Variants in FBXL2 observed in about 807,000 individuals in gnomAD.
FBXL2 encodes F-box and leucine rich repeat protein 2.
Under a neutral mutation model 69.2 loss-of-function variants are expected in FBXL2, and 38 were observed. That is an observed-to-expected ratio of 0.55 (90% CI 0.42 to 0.72). The LOEUF is 0.72. Among genes scored for constraint, FBXL2 ranks in the 30% least tolerant of loss-of-function variants. The probability of loss-of-function intolerance (pLI) is 0.00; values close to 1 mark genes in which losing one functional copy is unlikely to be tolerated. For missense variants in FBXL2, 354 were observed against 520.3 expected, an observed-to-expected ratio of 0.68 and a Z score of 3.11; for synonymous variants, 192 against 201.3, an observed-to-expected ratio of 0.95 and a Z score of 0.39.
At chr3:33,283,129 T>G (rs527815787) in intron 1 of FBXL2, among the ~76,000 whole-genome samples, 5 of 152,300 alleles carry the variant, frequency 3.3e-5, no homozygotes, top group South Asian at 2.1e-4. Flanking sequence ...TTGTGCCAGT[T>G]TTCAAAGGGA....
chr3:33,339,649 A>G (rs1291874388), intron 2 of FBXL2, among the ~76,000 whole-genome samples: 4 of 152,152 alleles, frequency 2.6e-5, no homozygotes, highest in Non-Finnish European at 5.9e-5. Context: ...AACTCCAGTG[A>G]CACACAATTT....
Position 33,395,769 on chromosome 3 carries a change from A to G in FBXL2, n.1215-7465A>G, listed in dbSNP as rs1335935476. 9.4e-5 allele frequency among the ~76,000 whole-genome samples: 14 copies of G among 149,640 alleles called. No homozygotes were observed. In the South Asian group the frequency reaches 1.1e-3, roughly 11 times the overall value. ...AAAATTGAAAAAAAAAAAAAAAAAA[A>G]AAAAGAAAAAGGAAAGAAAAACCCT... is the stretch of plus-strand genomic sequence containing the variant. On this transcript the variant is annotated intron_variant and non_coding_transcript_variant, in intron 12 of 12. Transcript: ENST00000463736.
intron 13 of FBXL2, among the ~76,000 whole-genome samples, chr3:33,381,427 C>G (rs1255796890): frequency 6.6e-6 from 1 of 152,046 alleles, no homozygotes; most frequent in Admixed American, 6.5e-5. Context: ...GGTGGATCAC[C>G]TGAGGTCGGG....
intron 2 of FBXL2, among the ~76,000 whole-genome samples, chr3:33,342,306 A>G (rs2040091856): frequency 6.6e-6 from 1 of 151,550 alleles, no homozygotes; most frequent in Non-Finnish European, 1.5e-5. Context: ...TGCCCGGCCT[A>G]TGCAGTTTTC....
intron 2 of FBXL2, among the ~76,000 whole-genome samples, chr3:33,337,056 T>G (rs536377902): frequency 6.6e-6 from 1 of 151,248 alleles, no homozygotes; most frequent in African/African-American, 2.4e-5. Flanking sequence ...ATACAAAAAA[T>G]CAGCTGGACG....
intron 1 of FBXL2, among the ~76,000 whole-genome samples, chr3:33,280,949 A>AT (rs1194992822): frequency 2.0e-5 from 3 of 152,096 alleles, no homozygotes; most frequent in African/African-American, 7.2e-5. Context: ...CTCTCTCTGT[A>AT]TTTGTGGTCA....
the FBXL2 span, among the ~76,000 whole-genome samples, chr3:33,420,577 C>A: frequency 1.3e-5 from 2 of 151,968 alleles, no homozygotes; most frequent in Non-Finnish European, 2.9e-5. Context: ...CAACCTCCGC[C>A]TCCTGGGTTC....
intron 2 of FBXL2, among the ~76,000 whole-genome samples, chr3:33,347,995 A>G (rs1361525110): frequency 6.6e-6 from 1 of 151,912 alleles, no homozygotes; most frequent in Non-Finnish European, 1.5e-5. Flanking sequence ...TGTTGATTGT[A>G]TCCTTTGCTG....
intron 4 of FBXL2, among the ~76,000 whole-genome samples, chr3:33,359,791 G>T (rs962219782): frequency 5.3e-5 from 8 of 151,794 alleles, no homozygotes; most frequent in African/African-American, 1.9e-4. Flanking sequence ...GGCCACTTAA[G>T]TCATATAATC....
downstream of FBXL2, among the ~76,000 whole-genome samples, chr3:33,407,353 C>T (rs752825383): frequency 6.6e-6 from 1 of 152,132 alleles, no homozygotes; most frequent in South Asian, 2.1e-4. Context: ...CCAGAACCTA[C>T]TTCTTTATTA....
intron 2 of FBXL2, among the ~76,000 whole-genome samples, chr3:33,322,924 C>T (rs1477511004): frequency 6.6e-6 from 1 of 152,110 alleles, no homozygotes; most frequent in East Asian, 1.9e-4. Flanking sequence ...GTTCTTGTGC[C>T]TCACAGTCTT....
At chr3:33,381,003 C>T (rs963687618) in intron 13 of FBXL2, among the ~76,000 whole-genome samples, 5 of 152,184 alleles carry the variant, frequency 3.3e-5, no homozygotes, top group Non-Finnish European at 5.9e-5. Flanking sequence ...AACCAGACAG[C>T]TTTGACTATT....
intron 1 of FBXL2, chr3:33,289,663 C>G (rs2035027984): frequency 7.5e-6 from 5 of 668,004 alleles, no homozygotes; most frequent in Non-Finnish European, 9.3e-6. Context: ...AGTTTGGAAT[C>G]CTGAGGAGTT....
chr3:33,326,502 T>C (rs2038705200), intron 2 of FBXL2, among the ~76,000 whole-genome samples: 1 of 141,578 alleles, frequency 7.1e-6, no homozygotes, highest in African/African-American at 2.7e-5. Flanking sequence ...CGAGACTCCG[T>C]CTCAAAAAAA....
chr3:33,315,011 A>G (rs531976245), intron 2 of FBXL2, among the ~76,000 whole-genome samples: 74 of 152,300 alleles, frequency 4.9e-4, no homozygotes, highest in African/African-American at 1.5e-3. Flanking sequence ...ACTGCAAACA[A>G]TTGCTTTTCC....
chr3:33,413,972 A>G, the FBXL2 span, among the ~76,000 whole-genome samples: 4 of 152,342 alleles, frequency 2.6e-5, no homozygotes, highest in Non-Finnish European at 5.9e-5. Context: ...CACAGTTCTA[A>G]TTGTTCCATA....
At chr3:33,292,077 A>G (rs537525481) in intron 1 of FBXL2, among the ~76,000 whole-genome samples, 1 of 152,288 alleles carries the variant, frequency 6.6e-6, no homozygotes, top group South Asian at 2.1e-4. Flanking sequence ...ATAATAATCA[A>G]TTTATTAAAA....
intron 14 of FBXL2, 80 bp downstream of exon 14, chr3:33,384,281 A>G: frequency 2.1e-6 from 3 of 1,417,760 alleles, no homozygotes; most frequent in South Asian, 2.4e-5. Context: ...GACCGGGGCT[A>G]GGCACGCGGT....
chr3:33,312,681 G>A (rs1372709005), intron 2 of FBXL2, among the ~76,000 whole-genome samples: 3 of 151,924 alleles, frequency 2.0e-5, no homozygotes, highest in Non-Finnish European at 2.9e-5. Context: ...TCTCTTTAAC[G>A]CTTATTTAAC....
Sources: allele counts gnomAD v4.1 joint callset (sites outside exome capture counted in the v4.1 genomes callset), GRCh38; gene constraint gnomAD v4.1.1; transcripts MANE v1.5; gene names NCBI Gene and HGNC (gene_info 2026-07-23, HGNC 2026-07-21).